Variants in C3AR1 observed in about 807,000 individuals in gnomAD.
The protein encoded by C3AR1 is complement C3a receptor 1.
For synonymous variants in C3AR1, 208 were observed against 225.3 expected (o/e 0.92, Z 0.69); for missense variants, 579 against 583.5 (o/e 0.99, Z 0.08).
intron 1 of C3AR1, among the ~76,000 whole-genome samples, chr12:8,063,293 G>T (rs1947296202): frequency 6.6e-6 from 1 of 152,014 alleles, no homozygotes; most frequent in Non-Finnish European, 1.5e-5. Context: ...TGTATCTTCT[G>T]CTTCCATAAT....
At chr12:8,062,459 C>A (rs1246946293) in intron 1 of C3AR1, among the ~76,000 whole-genome samples, 1 of 151,998 alleles carries the variant, frequency 6.6e-6, no homozygotes, top group Admixed American at 6.6e-5. Flanking sequence ...ACCACCATGC[C>A]CCCCCTTTTA....
chr12:8,065,330 A>C (rs1320165016), intron 1 of C3AR1, among the ~76,000 whole-genome samples: 1 of 152,130 alleles, frequency 6.6e-6, no homozygotes, highest in Non-Finnish European at 1.5e-5. Flanking sequence ...TTGAAATGAA[A>C]GTATGTAGGA....
chr12:8,064,688 T>G (rs1947311570), intron 1 of C3AR1, among the ~76,000 whole-genome samples: 1 of 69,034 alleles, frequency 1.4e-5, no homozygotes, highest in Non-Finnish European at 3.3e-5. Context: ...AAACTCCATC[T>G]CAAAAAAAAA....
At chr12:8,060,605 G>C (rs1486546166) in intron 1 of C3AR1, among the ~76,000 whole-genome samples, 1 of 152,180 alleles carries the variant, frequency 6.6e-6, no homozygotes, top group Non-Finnish European at 1.5e-5. Flanking sequence ...ATGTTGGCCA[G>C]GCTGGTCTTG....
intron 1 of C3AR1, among the ~76,000 whole-genome samples, chr12:8,064,176 C>T (rs1947306896): frequency 6.6e-6 from 1 of 151,998 alleles, no homozygotes; most frequent in Non-Finnish European, 1.5e-5. Context: ...AATTTGTATC[C>T]ATGTAATCCT....
intron 1 of C3AR1, among the ~76,000 whole-genome samples, chr12:8,063,852 GC>G (rs1947302654): frequency 1.3e-5 from 2 of 151,898 alleles, no homozygotes; most frequent in South Asian, 4.2e-4. Context: ...GGAGAAGATC[GC>G]TTGGGGCTAG....
Position 8,056,855 on chromosome 12 carries a change from CTG to C in C3AR1, c.*1880_*1881del, listed in dbSNP as rs1189368217. ...GTGAAACAAAAGGATTCATAAATCT[CTG>C]AGCCTCGCAAGGACCCATGAGAAAA... On this transcript the variant is annotated 3_prime_UTR_variant, in exon 2 of 2. Transcript: ENST00000307637. 2.6e-5 allele frequency among the ~76,000 whole-genome samples: 4 copies of C among 152,202 alleles called. No individual in the cohort carries two copies. The highest frequency in any genetic ancestry group is 9.7e-5 in the African/African-American group (4 of 41,446).
intron 1 of C3AR1, among the ~76,000 whole-genome samples, chr12:8,060,567 G>C (rs1179213577): frequency 6.6e-6 from 1 of 152,138 alleles, no homozygotes; most frequent in East Asian, 1.9e-4. Flanking sequence ...GCTAATTTTT[G>C]TATTTTTAGT....
At chr12:8,062,525 C>T (rs1391588693) in intron 1 of C3AR1, among the ~76,000 whole-genome samples, 1 of 152,182 alleles carries the variant, frequency 6.6e-6, no homozygotes, top group Non-Finnish European at 1.5e-5. Flanking sequence ...TTGTCCACGA[C>T]AATATCTACT....
At chr12:8,063,007 G>C (rs1286940136) in intron 1 of C3AR1, among the ~76,000 whole-genome samples, 6 of 129,662 alleles carry the variant, frequency 4.6e-5, no homozygotes, top group Non-Finnish European at 7.8e-5. Context: ...TCCCAGGCTG[G>C]AGTGCAATGG....
At chr12:8,065,584 G>A (rs927188892) in intron 1 of C3AR1, among the ~76,000 whole-genome samples, 1 of 151,004 alleles carries the variant, frequency 6.6e-6, no homozygotes, top group Non-Finnish European at 1.5e-5. Context: ...AACCTGGGAG[G>A]CGGAGGTTGC....
intron 1 of C3AR1, among the ~76,000 whole-genome samples, chr12:8,061,625 C>T (rs1348402589): frequency 6.6e-6 from 1 of 152,018 alleles, no homozygotes; most frequent in African/African-American, 2.4e-5. Context: ...AACGTACCAA[C>T]TAATTTTTGT....
rs1947203057 is a variant in C3AR1, at chr12:8,057,476, T to C, written c.*1261A>G. On this transcript the variant is annotated 3_prime_UTR_variant, in exon 2 of 2. Transcript: ENST00000307637. Reference sequence around the variant, plus strand: ...ATAAGCACATGATTTAGAAACATCATGATAATTATCAAAGGAAACATCTAA... The same window carrying C: ...ATAAGCACATGATTTAGAAACATCACGATAATTATCAAAGGAAACATCTAA... Among the ~76,000 whole-genome samples, 2 of 152,192 alleles carry C rather than the reference T, an allele frequency of 1.3e-5. No individual in the cohort carries two copies. Among genetic ancestry groups the C allele is most frequent in the Admixed American group, 6.6e-5 (1 of 15,262 alleles).
chr12:8,064,474 C>T (rs922182984), intron 1 of C3AR1, among the ~76,000 whole-genome samples: 20 of 152,150 alleles, frequency 1.3e-4, no homozygotes, highest in African/African-American at 4.1e-4. Flanking sequence ...AGGCAGATCA[C>T]CTGAGGTCAG....
At chr12:8,061,694 C>T (rs1451684706) in intron 1 of C3AR1, among the ~76,000 whole-genome samples, 1 of 152,094 alleles carries the variant, frequency 6.6e-6, no homozygotes, top group Non-Finnish European at 1.5e-5. Context: ...CTGCTAGGCT[C>T]GAGTGATCCT....
chr12:8,059,830 T>TC lies in C3AR1; in HGVS notation c.355dup (p.Asp119GlyfsTer52), dbSNP rs553595145. ...TGGCTTGAATACCACAAGACAGCGA[T>TC]CCAGGCTAATGGCAGTAAGCAGGAA... On this transcript the variant is annotated frameshift_variant, in exon 2 of 2. Transcript: ENST00000307637. LOFTEE classifies it low-confidence loss of function (END_TRUNC). The TC allele has an allele frequency of 1.9e-4, 311 of 1,613,888 alleles. No homozygotes were observed. Among genetic ancestry groups the TC allele is most frequent in the Non-Finnish European group, 2.5e-4 (300 of 1,180,000 alleles).
intron 1 of C3AR1, among the ~76,000 whole-genome samples, chr12:8,065,756 T>A (rs940049036): frequency 1.3e-5 from 2 of 151,614 alleles, no homozygotes; most frequent in African/African-American, 4.9e-5. Context: ...TGTTTAAGAT[T>A]AGTAGAGGAT....
At position 8,057,972 on chromosome 12, in the gene C3AR1, G is replaced by A. The variant is rs1171696813; in HGVS notation, c.*765C>T. Among the ~76,000 whole-genome samples the A allele has an allele frequency of 6.6e-6, 1 of 152,200 alleles. No homozygotes were observed. Among genetic ancestry groups the A allele is most frequent in the Non-Finnish European group, 1.5e-5 (1 of 68,032 alleles). ...GGAGTGGAAAATAGGTGCCCAACCG[G>A]TAGGCAGTTAGAAGAAACAGAACTC... On this transcript the variant is annotated 3_prime_UTR_variant, in exon 2 of 2. Transcript: ENST00000307637.
chr12:8,061,385 A>G (rs1947271949), intron 1 of C3AR1, among the ~76,000 whole-genome samples: 1 of 152,038 alleles, frequency 6.6e-6, no homozygotes, highest in African/African-American at 2.4e-5. Flanking sequence ...ACACATGCGT[A>G]TCTTTAGACA....
Sources: gnomAD v4.1 joint callset for allele counts (sites outside exome capture counted in the v4.1 genomes callset) on GRCh38, gnomAD v4.1.1 for gene constraint, MANE v1.5 for transcripts, NCBI Gene and HGNC (gene_info 2026-07-23, HGNC 2026-07-21) for gene names.